LAMA2: variants seen among roughly 807,000 people sequenced by gnomAD.
LAMA2 encodes laminin subunit alpha 2, also known as laminin subunit alpha-2.
LAMA2 carries 269 observed loss-of-function variants against 364.8 expected under a neutral mutation model. That is an observed-to-expected ratio of 0.74 (90% CI 0.67 to 0.82). LAMA2 has a LOEUF of 0.82. LAMA2 is among the 40% of genes least tolerant of loss of function. The pLI, the probability that LAMA2 is intolerant of heterozygous loss-of-function variation, is 0.00. For missense variants in LAMA2, 3,807 were observed against 3,873.2 expected, an observed-to-expected ratio of 0.98 and a Z score of 0.45; for synonymous variants, 1,379 against 1,370.6, an observed-to-expected ratio of 1.01 and a Z score of -0.14.
intron 22 of LAMA2, among the ~76,000 whole-genome samples, chr6:129,311,693 G>A (rs1774242930): frequency 6.6e-6 from 1 of 152,158 alleles, no homozygotes; most frequent in Non-Finnish European, 1.5e-5. Context: ...TAAATTGCAA[G>A]AAGATATGAG....
intron 14 of LAMA2, among the ~76,000 whole-genome samples, chr6:129,255,120 G>A (rs1786550229): frequency 6.6e-6 from 1 of 151,678 alleles, no homozygotes; most frequent in Admixed American, 6.6e-5. Flanking sequence ...TTAAAAAACA[G>A]CCTGGGGCCG....
chr6:129,255,191 A>T (rs554676808), intron 14 of LAMA2, among the ~76,000 whole-genome samples: 1 of 151,940 alleles, frequency 6.6e-6, no homozygotes, highest in Non-Finnish European at 1.5e-5. Context: ...GCAGATCACG[A>T]GGTCAGTTGT....
rs1731993495 is a variant in LAMA2, at chr6:129,049,977, T to C, written c.172T>C (p.Cys58Arg). ...TGCTCTTATCACGACCAATGCAACATGTGGAGAAAAAGGACCTGAAATGTA... is the reference window on the plus strand; with the variant it reads ...TGCTCTTATCACGACCAATGCAACACGTGGAGAAAAAGGACCTGAAATGTA... ...SNALITTNATCGEKGPEMYCK... is the reference protein window; with the variant it reads ...SNALITTNATRGEKGPEMYCK... The change falls in exon 2 of 65, where the codon TGT becomes CGT. Residue 58 changes from cysteine to arginine, a missense_variant. By Grantham distance (180) the Cys-to-Arg change is radical. Transcript: ENST00000421865. 1 of 1,613,868 alleles carries C rather than the reference T, an allele frequency of 6.2e-7. No homozygotes were observed. Among genetic ancestry groups the C allele is most frequent in the Non-Finnish European group, 8.5e-7 (1 of 1,179,812 alleles).
chr6:128,967,692 G>C (rs569134735), intron 1 of LAMA2, among the ~76,000 whole-genome samples: 1 of 152,280 alleles, frequency 6.6e-6, no homozygotes, highest in East Asian at 1.9e-4. Context: ...AGTGGGACCA[G>C]TTTATACACC....
At chr6:129,397,187 C>A (rs1419492077) in intron 37 of LAMA2, among the ~76,000 whole-genome samples, 2 of 151,934 alleles carry the variant, frequency 1.3e-5, no homozygotes, top group Non-Finnish European at 2.9e-5. Flanking sequence ...ATATAATCAA[C>A]CTTCATATCC....
At chr6:128,959,629 A>C (rs1477432330) in intron 1 of LAMA2, among the ~76,000 whole-genome samples, 2 of 152,106 alleles carry the variant, frequency 1.3e-5, no homozygotes, top group African/African-American at 4.8e-5. Context: ...TTCTTCTTAG[A>C]AAACTGCTAA....
intron 1 of LAMA2, among the ~76,000 whole-genome samples, chr6:129,022,457 A>G (rs1489672725): frequency 6.6e-6 from 1 of 152,198 alleles, no homozygotes; most frequent in African/African-American, 2.4e-5. Context: ...TTAAGTGCTC[A>G]GTGATATGCA....
chr6:129,497,019 GTTTC>G (rs963689208), intron 58 of LAMA2, among the ~76,000 whole-genome samples: 4 of 152,018 alleles, frequency 2.6e-5, no homozygotes, highest in African/African-American at 7.3e-5. Context: ...TAACTTCTGT[GTTTC>G]TTTAACTTAA....
At position 128,963,691 on chromosome 6, in the gene LAMA2, A is replaced by C. The variant is rs78264807; in HGVS notation, c.112+80334A>C. 7.9e-4 allele frequency among the ~76,000 whole-genome samples: 121 copies of C among 152,242 alleles called. 1 individual carries two copies. Among genetic ancestry groups the C allele is most frequent in the Non-Finnish European group, 1.5e-3 (102 of 67,978 alleles). On this transcript the variant is annotated intron_variant, in intron 1 of 64. Coordinates refer to ENST00000421865, the MANE Select transcript of LAMA2 (RefSeq NM_000426.4). ...CCCAGCTTCTAAGCTAACCAGACTC[A>C]TCATTTTGGCCTTTCATGTATGCTT...
chr6:128,939,874 C>T (rs1281895559), intron 1 of LAMA2, among the ~76,000 whole-genome samples: 3 of 152,114 alleles, frequency 2.0e-5, no homozygotes, highest in African/African-American at 4.8e-5. Context: ...TCTGAGTAAG[C>T]CCCACCATTG....
At chr6:128,962,342 A>G (rs1318010861) in intron 1 of LAMA2, among the ~76,000 whole-genome samples, 1 of 151,544 alleles carries the variant, frequency 6.6e-6, no homozygotes, top group East Asian at 1.9e-4. Context: ...AGAATATGAT[A>G]TTACTTTCAT....
At position 129,300,848 on chromosome 6, in the gene LAMA2, C is replaced by CAT; in HGVS notation, c.3150_3151insAT (p.His1051IlefsTer25). 1 of 1,613,762 alleles carries CAT rather than the reference C, an allele frequency of 6.2e-7. No individual in the cohort carries two copies. The highest frequency in any genetic ancestry group is 2.2e-5 in the East Asian group (1 of 44,858). ...CTAAATGTGCACCCAATACCTGGGGCCACAGCATTACCACTGGTTGTAAGG... is the reference window on the plus strand; with the variant it reads ...CTAAATGTGCACCCAATACCTGGGGCATCACAGCATTACCACTGGTTGTAAGG... On this transcript the variant is annotated frameshift_variant, in exon 22 of 65. Coordinates refer to ENST00000421865, the MANE Select transcript of LAMA2 (RefSeq NM_000426.4). LOFTEE classifies it high-confidence loss of function.
At chr6:129,061,259 A>G (rs1351350390) in intron 3 of LAMA2, among the ~76,000 whole-genome samples, 1 of 152,206 alleles carries the variant, frequency 6.6e-6, no homozygotes, top group African/African-American at 2.4e-5. Context: ...TCTGCTGTGC[A>G]TTGACTCAGG....
intron 1 of LAMA2, among the ~76,000 whole-genome samples, chr6:128,926,365 A>C (rs113579717): frequency 0.027 from 4,093 of 152,294 alleles, 157 homozygotes; most frequent in African/African-American, 0.084. Flanking sequence ...TACCGCTTCA[A>C]GGATCAGAAC....
chr6:129,051,999 G>GTA (rs10551797), intron 2 of LAMA2, among the ~76,000 whole-genome samples: 3 of 150,682 alleles, frequency 2.0e-5, no homozygotes, highest in East Asian at 3.9e-4. Flanking sequence ...ATGTATGCAG[G>GTA]TATATATATA....
At chr6:129,470,200 C>T (rs747944453) in intron 51 of LAMA2, among the ~76,000 whole-genome samples, 3 of 151,742 alleles carry the variant, frequency 2.0e-5, no homozygotes, top group Non-Finnish European at 2.9e-5. Flanking sequence ...GTCAGGATGA[C>T]TCTCTAGTTT....
At chr6:129,275,196 A>G (rs1788217796) in intron 17 of LAMA2, among the ~76,000 whole-genome samples, 2 of 152,020 alleles carry the variant, frequency 1.3e-5, no homozygotes, top group South Asian at 2.1e-4. Flanking sequence ...ATTTAAGGAA[A>G]CAATCAATTC....
chr6:128,960,065 A>G (rs979594344), intron 1 of LAMA2, among the ~76,000 whole-genome samples: 10 of 152,016 alleles, frequency 6.6e-5, no homozygotes, highest in East Asian at 1.9e-4. Context: ...AATTTCCCCT[A>G]TCTTATATAT....
chr6:129,318,620 G>A (rs1774763715), intron 27 of LAMA2, among the ~76,000 whole-genome samples: 1 of 152,112 alleles, frequency 6.6e-6, no homozygotes, highest in Non-Finnish European at 1.5e-5. Flanking sequence ...GAGAACATAA[G>A]GGAGAAGTTT....
Sources: gnomAD v4.1 joint callset for allele counts (sites outside exome capture counted in the v4.1 genomes callset) on GRCh38, gnomAD v4.1.1 for gene constraint, MANE v1.5 for transcripts, NCBI Gene and HGNC (gene_info 2026-07-23, HGNC 2026-07-21) for gene names.